FAM177A1: variants seen among roughly 807,000 people sequenced by gnomAD.
FAM177A1 encodes the protein family with sequence similarity 177 member A1.
In FAM177A1, 22 loss-of-function variants were observed where a neutral mutation model predicts 26.1. The observed-to-expected ratio is 0.84, with a 90% CI of 0.60 to 1.20. The LOEUF (loss-of-function observed/expected upper bound fraction) is 1.20. Among genes scored for constraint, FAM177A1 ranks in the 50% most tolerant of loss-of-function variants. The pLI, the probability that FAM177A1 is intolerant of heterozygous loss-of-function variation, is 0.00. For synonymous variants in FAM177A1, 95 were observed against 99.3 expected (o/e 0.96, Z 0.26); for missense variants, 296 against 291.1 (o/e 1.02, Z -0.12).
In FAM177A1 at chr14:35,081,088, T is replaced by C. The variant is rs769690222; in HGVS notation, c.571T>C (p.Leu191=). 6.2e-7 allele frequency: 1 copy of C among 1,613,470 alleles called. No individual in the cohort carries two copies. The highest frequency in any genetic ancestry group is 8.5e-7 in the Non-Finnish European group (1 of 1,179,774). The change falls in exon 5 of 5, where the codon TTG becomes CTG. Residue 191 remains leucine, a synonymous_variant. Transcript: ENST00000280987. The part of the protein sequence containing the change: ...EAEKQYQQNK[L]QTDSIVQTDQ... ...AGAAAAACAATATCAACAGAATAAA[T>C]TGCAGACTGATTCCATTGTTCAGAC...
chr14:35,060,766 GT>G (rs2045139326), intron 2 of FAM177A1, among the ~76,000 whole-genome samples: 1 of 152,150 alleles, frequency 6.6e-6, no homozygotes, highest in East Asian at 1.9e-4. Context: ...TTTATTTGTA[GT>G]TTTGCTTTTT....
At chr14:35,079,837 G>C (rs1283309058) in intron 4 of FAM177A1, among the ~76,000 whole-genome samples, 1 of 152,124 alleles carries the variant, frequency 6.6e-6, no homozygotes, top group East Asian at 1.9e-4. Context: ...ACATTGTTAT[G>C]GTTGGGGAAA....
rs1288776820 is a variant in FAM177A1, at chr14:35,081,532, A to G, written c.*304A>G. On this transcript the variant is annotated 3_prime_UTR_variant, in exon 5 of 5. Transcript: ENST00000280987. ...TAAGAAGAGTTAAATTATCAAGCCT[A>G]TTTGTGCATTTGCTTTTTTTGAAAA... is the stretch of plus-strand genomic sequence containing the variant. 2 of 187,044 alleles carry G rather than the reference A, an allele frequency of 1.1e-5. No homozygotes were observed. Among genetic ancestry groups the G allele is most frequent in the African/African-American group, 2.3e-5 (1 of 42,580 alleles). The allele number at this position is 187,044 out of a possible 1,614,324, so 11.6% of individuals were successfully genotyped here.
chr14:35,063,764 A>G (rs7142489), intron 2 of FAM177A1, among the ~76,000 whole-genome samples: 51,874 of 151,088 alleles, frequency 0.34, 9,022 homozygotes, highest in East Asian at 0.42. Context: ...TTTGGGCCAC[A>G]TTACATGGCT....
intron 2 of FAM177A1, among the ~76,000 whole-genome samples, chr14:35,058,676 A>G (rs1220408049): frequency 6.6e-6 from 1 of 152,002 alleles, no homozygotes; most frequent in African/African-American, 2.4e-5. Flanking sequence ...GGAGTTTGAG[A>G]CCAGCCTGGG....
At chr14:35,048,188 T>C (rs1308387667) in intron 1 of FAM177A1, among the ~76,000 whole-genome samples, 1 of 152,236 alleles carries the variant, frequency 6.6e-6, no homozygotes, top group Non-Finnish European at 1.5e-5. Context: ...CACTTACACT[T>C]AACCTTTGAG....
intron 2 of FAM177A1, among the ~76,000 whole-genome samples, chr14:35,061,797 C>T (rs1014147112): frequency 6.6e-6 from 1 of 151,754 alleles, no homozygotes; most frequent in South Asian, 2.1e-4. Flanking sequence ...GTATTTTTGA[C>T]TTGCCTCTGC....
intron 1 of FAM177A1, among the ~76,000 whole-genome samples, chr14:35,048,508 A>G (rs968669353): frequency 6.6e-6 from 1 of 151,194 alleles, no homozygotes; most frequent in African/African-American, 2.4e-5. Flanking sequence ...GTAACTATTA[A>G]GTTTTGGTGT....
intron 2 of FAM177A1, among the ~76,000 whole-genome samples, chr14:35,067,569 A>G (rs1336201900): frequency 6.6e-6 from 1 of 152,164 alleles, no homozygotes; most frequent in Non-Finnish European, 1.5e-5. Context: ...TGGATTATAT[A>G]GTAATTCTGT....
chr14:35,066,100 T>C (rs534886234), intron 2 of FAM177A1, among the ~76,000 whole-genome samples: 2 of 152,302 alleles, frequency 1.3e-5, no homozygotes, highest in Admixed American at 1.3e-4. Context: ...AAGGTCTTCC[T>C]CTGTTGCCCA....
chr14:35,074,455 AGCTGGGAT>A (rs2045365510), intron 2 of FAM177A1, among the ~76,000 whole-genome samples: 1 of 152,046 alleles, frequency 6.6e-6, no homozygotes, highest in Non-Finnish European at 1.5e-5. Context: ...CTTCCCTAGA[AGCTGGGAT>A]TACAGGTGCA....
At chr14:35,080,527 G>A (rs766725180) in intron 4 of FAM177A1, among the ~76,000 whole-genome samples, 10 of 152,104 alleles carry the variant, frequency 6.6e-5, no homozygotes, top group African/African-American at 1.9e-4. Context: ...TGGGCTGAGC[G>A]CGGTGGCTCA....
chr14:35,048,936 G>A (rs969690420), intron 1 of FAM177A1, among the ~76,000 whole-genome samples: 3 of 150,790 alleles, frequency 2.0e-5, no homozygotes, highest in African/African-American at 4.9e-5. Flanking sequence ...TGTGGCCCAG[G>A]CTGGAGTGCA....
rs777011967 is a variant in FAM177A1, at chr14:35,046,593, G to T, written c.130G>T (p.Ala44Ser). The T allele has an allele frequency of 6.4e-7, 1 of 1,554,172 alleles. No homozygotes were observed. The highest frequency in any genetic ancestry group is 8.7e-7 in the Non-Finnish European group (1 of 1,150,874). Residue 44 changes from alanine (A) to serine (S), a missense_variant, in exon 1 of 5, where the codon GCG becomes TCG. Ala to Ser is a moderately conservative substitution (Grantham distance 99). Transcript: ENST00000280987. The part of the protein sequence containing the change: ...RGEAVAASGA[A>S]AAAAFGESAG... ...AGAAGCCGTCGCAGCCTCGGGAGCTGCGGCCGCCGCGGCATTCGGGGAATC... is the reference window on the plus strand; with the variant it reads ...AGAAGCCGTCGCAGCCTCGGGAGCTTCGGCCGCCGCGGCATTCGGGGAATC...
intron 2 of FAM177A1, among the ~76,000 whole-genome samples, chr14:35,068,231 T>A (rs2045268319): frequency 6.6e-6 from 1 of 152,238 alleles, no homozygotes; most frequent in Non-Finnish European, 1.5e-5. Flanking sequence ...AGAAAATCTT[T>A]TACATGGTGG....
chr14:35,068,709 C>T (rs548310172), intron 2 of FAM177A1, among the ~76,000 whole-genome samples: 1 of 152,224 alleles, frequency 6.6e-6, no homozygotes, highest in Non-Finnish European at 1.5e-5. Flanking sequence ...TGTGATAGCC[C>T]ATTTTGTGCT....
Position 35,081,326 on chromosome 14 carries a change from T to C in FAM177A1, c.*98T>C, listed in dbSNP as rs1396586809. Reference sequence around the variant, plus strand: ...CAGTGGGACTTAATACAATTATTTATATTTTAAATTATTAAAGTATCTGGA... The same window carrying C: ...CAGTGGGACTTAATACAATTATTTACATTTTAAATTATTAAAGTATCTGGA... On this transcript the variant is annotated 3_prime_UTR_variant, in exon 5 of 5. Transcript: ENST00000280987. 1 of 1,101,876 alleles carries C rather than the reference T, an allele frequency of 9.1e-7. No individual in the cohort carries two copies. The highest frequency in any genetic ancestry group is 1.2e-6 in the Non-Finnish European group (1 of 809,516). 68.3% of individuals were successfully genotyped at this position (1,101,876 alleles called of 1,614,324 possible).
chr14:35,074,155 T>A (rs1044396572), intron 2 of FAM177A1, among the ~76,000 whole-genome samples: 3 of 152,196 alleles, frequency 2.0e-5, no homozygotes, highest in Non-Finnish European at 4.4e-5. Context: ...TATTTATTTA[T>A]TTTTTGTGAG....
In FAM177A1 at chr14:35,069,326, C is replaced by G. The variant is rs1019885771; in HGVS notation, c.340-7824C>G. 2.8e-5 allele frequency among the ~76,000 whole-genome samples: 4 copies of G among 144,714 alleles called. No homozygotes were observed. The South Asian group carries it at 9.1e-4, about 33-fold the overall frequency. 94.9% of individuals were successfully genotyped at this position (144,714 alleles called of 152,430 possible). On this transcript the variant is annotated intron_variant, in intron 2 of 4. Transcript: ENST00000280987. ...TTGAGACAGAGTTTCACTCTTATTG[C>G]CGAGGCTGGAGTGCAATGGCGCAAT...
Sources: allele counts gnomAD v4.1 joint callset (sites outside exome capture counted in the v4.1 genomes callset), GRCh38; gene constraint gnomAD v4.1.1; transcripts MANE v1.5; gene names NCBI Gene and HGNC (gene_info 2026-07-23, HGNC 2026-07-21).